The following TRIM44 variants were observed in gnomAD, a reference collection of about 807,000 sequenced individuals.
TRIM44 encodes tripartite motif containing 44, also known as tripartite motif-containing protein 44.
Under a neutral mutation model 37.4 loss-of-function variants are expected in TRIM44, and 13 were observed. That is an observed-to-expected ratio of 0.35 (90% CI 0.23 to 0.55). The LOEUF (loss-of-function observed/expected upper bound fraction) is 0.55, where lower values mean the gene tolerates loss of function less well. Ranked by LOEUF, TRIM44 falls within the 20% of genes least tolerant of loss-of-function variation. The probability of loss-of-function intolerance (pLI) is 0.89; values close to 1 mark genes in which losing one functional copy is unlikely to be tolerated. For synonymous variants in TRIM44, 175 were observed against 157.2 expected (o/e 1.11, Z -0.85); for missense variants, 426 against 437.2 (o/e 0.97, Z 0.23).
chr11:35,741,959 C>T (rs1852402902), intron 4 of TRIM44, among the ~76,000 whole-genome samples: 1 of 152,082 alleles, frequency 6.6e-6, no homozygotes, highest in African/African-American at 2.4e-5. Context: ...GAGACAGGGA[C>T]TTGCTTTGTC....
chr11:35,756,717 G>C lies in TRIM44; in HGVS notation c.1007+21272G>C, dbSNP rs987198788. On this transcript the variant is annotated intron_variant, in intron 4 of 4. Coordinates refer to ENST00000299413, the MANE Select transcript of TRIM44 (RefSeq NM_017583.6). ...TTTATTGAGAGTTTTTAGCATGAAGGGTTGTTGAATTTTGTCAAAGGCCTT... is the reference window on the plus strand; with the variant it reads ...TTTATTGAGAGTTTTTAGCATGAAGCGTTGTTGAATTTTGTCAAAGGCCTT... 2.3e-4 allele frequency among the ~76,000 whole-genome samples: 35 copies of C among 152,158 alleles called. 1 individual carries two copies. The highest frequency in any genetic ancestry group is 3.9e-4 in the Admixed American group (6 of 15,282).
In TRIM44 at chr11:35,663,518, A is replaced by G; in HGVS notation, c.407A>G (p.Glu136Gly). Residue 136 changes from glutamate (E) to glycine (G), a missense_variant, in exon 1 of 5, where the codon GAG (glutamate) becomes GGG (glycine). This residue lies in a region of TRIM44 where 331 missense variants were observed against 303.0 expected (regional missense o/e 1.09). Coordinates refer to ENST00000299413, the MANE Select transcript of TRIM44 (RefSeq NM_017583.6). ...EEDSEEEMED[E>G]QESEAEEDNQ... is the part of the protein sequence containing the mutation. ...GACAGCGAGGAAGAAATGGAGGATGAGCAAGAAAGCGAGGCCGAAGAAGAC... is the reference window on the plus strand; with the variant it reads ...GACAGCGAGGAAGAAATGGAGGATGGGCAAGAAAGCGAGGCCGAAGAAGAC... 6.3e-7 allele frequency: 1 copy of G among 1,599,056 alleles called. No individual in the cohort carries two copies. The highest frequency in any genetic ancestry group is 8.5e-7 in the Non-Finnish European group (1 of 1,172,210).
intron 4 of TRIM44, among the ~76,000 whole-genome samples, chr11:35,790,605 T>C (rs953388934): frequency 3.3e-5 from 5 of 152,192 alleles, no homozygotes. Context: ...GTGCTGTCTC[T>C]CATCTGACAG....
chr11:35,686,587 C>T (rs1159535725), intron 2 of TRIM44, among the ~76,000 whole-genome samples: 6 of 151,950 alleles, frequency 3.9e-5, no homozygotes, highest in Non-Finnish European at 7.4e-5. Context: ...GACGGAATCT[C>T]GCTCTGATGC....
intron 4 of TRIM44, among the ~76,000 whole-genome samples, chr11:35,798,938 C>CT: frequency 6.6e-6 from 1 of 151,714 alleles, no homozygotes; most frequent in East Asian, 1.9e-4. Context: ...AATTTTTTTT[C>CT]TTTTTTATGG....
intron 4 of TRIM44, among the ~76,000 whole-genome samples, chr11:35,773,863 G>C (rs917312862): frequency 1.3e-5 from 2 of 152,128 alleles, no homozygotes; most frequent in Admixed American, 1.3e-4. Context: ...TCTTTATTCA[G>C]TCTATCATTG....
chr11:35,677,814 G>A (rs1390922764), intron 1 of TRIM44, among the ~76,000 whole-genome samples: 1 of 152,164 alleles, frequency 6.6e-6, no homozygotes, highest in South Asian at 2.1e-4. Flanking sequence ...GAAGTTAAAT[G>A]ATAAGTGATA....
chr11:35,705,584 A>T (rs1054797605), intron 2 of TRIM44, among the ~76,000 whole-genome samples: 1 of 151,880 alleles, frequency 6.6e-6, no homozygotes, highest in African/African-American at 2.4e-5. Context: ...AGTGCAATCA[A>T]ACTAGAACTC....
chr11:35,786,708 A>G (rs774706364), intron 4 of TRIM44, among the ~76,000 whole-genome samples: 1 of 152,228 alleles, frequency 6.6e-6, no homozygotes, highest in Non-Finnish European at 1.5e-5. Context: ...ACAAGAGATT[A>G]TAATGATACC....
intron 2 of TRIM44, chr11:35,724,198 G>A (rs1185386347): frequency 6.6e-6 from 1 of 152,116 alleles, no homozygotes; most frequent in Non-Finnish European, 1.5e-5. Flanking sequence ...GCTTCTTTCG[G>A]TTTCTAAGGG....
intron 2 of TRIM44, among the ~76,000 whole-genome samples, chr11:35,710,978 G>C (rs957406801): frequency 6.6e-6 from 1 of 152,148 alleles, no homozygotes; most frequent in Non-Finnish European, 1.5e-5. Context: ...TATATGAAAT[G>C]TTCAGAATAG....
chr11:35,815,924 GACTTACTTCTA>G lies in TRIM44; in HGVS notation c.*9541_*9551del, dbSNP rs1853576031. The G allele has an allele frequency of 6.6e-6, 1 of 152,116 alleles. No individual in the cohort carries two copies. Among genetic ancestry groups the G allele is most frequent in the Non-Finnish European group, 1.5e-5 (1 of 68,040 alleles). The allele number at this position is 152,116 out of a possible 1,614,324, so 9.4% of individuals were successfully genotyped here. On this transcript the variant is annotated 3_prime_UTR_variant, in exon 5 of 5. Transcript: ENST00000299413. ...CTTCAGAAAAAGACAATTTTACAAT[GACTTACTTCTA>G]ATAATCACTGAAACAGCCTCATGAG...
chr11:35,693,103 G>GT (rs1021910593), intron 2 of TRIM44, among the ~76,000 whole-genome samples: 1 of 152,046 alleles, frequency 6.6e-6, no homozygotes, highest in Non-Finnish European at 1.5e-5. Flanking sequence ...GAAATCAGAA[G>GT]TGAGGTACAG....
intron 2 of TRIM44, among the ~76,000 whole-genome samples, chr11:35,721,996 T>C (rs1476702206): frequency 6.6e-6 from 1 of 152,148 alleles, no homozygotes; most frequent in African/African-American, 2.4e-5. Flanking sequence ...TGGAGTACAA[T>C]GTAGGAATAA....
chr11:35,769,767 T>C (rs971750307), intron 4 of TRIM44, among the ~76,000 whole-genome samples: 3 of 152,210 alleles, frequency 2.0e-5, no homozygotes, highest in African/African-American at 7.2e-5. Flanking sequence ...TGGCTCTCAA[T>C]TGATGCTTGT....
chr11:35,775,865 G>C (rs11517926), intron 4 of TRIM44, among the ~76,000 whole-genome samples: 3 of 152,128 alleles, frequency 2.0e-5, no homozygotes, highest in African/African-American at 7.2e-5. Context: ...TGCTGGATTC[G>C]GTTTGCCAGT....
chr11:35,694,542 C>T (rs1311865481), intron 2 of TRIM44, among the ~76,000 whole-genome samples: 1 of 151,252 alleles, frequency 6.6e-6, no homozygotes, highest in Non-Finnish European at 1.5e-5. Flanking sequence ...CACAACAGAC[C>T]CCCTTTTCAT....
At chr11:35,710,084 A>G (rs1851947617) in intron 2 of TRIM44, among the ~76,000 whole-genome samples, 1 of 152,202 alleles carries the variant, frequency 6.6e-6, no homozygotes, top group Non-Finnish European at 1.5e-5. Context: ...GACTGGATGA[A>G]ATATGGCTGC....
chr11:35,687,927 A>G (rs1164024905), intron 2 of TRIM44, among the ~76,000 whole-genome samples: 4 of 152,184 alleles, frequency 2.6e-5, no homozygotes, highest in Non-Finnish European at 5.9e-5. Flanking sequence ...CATATGCTGT[A>G]TATACTTGGA....
Sources: allele counts gnomAD v4.1 joint callset (sites outside exome capture counted in the v4.1 genomes callset), GRCh38; gene constraint gnomAD v4.1.1; regional missense constraint gnomAD v4.1.1; transcripts MANE v1.5; gene names NCBI Gene and HGNC (gene_info 2026-07-23, HGNC 2026-07-21).